ASCC1: variants seen among roughly 807,000 people sequenced by gnomAD.
ASCC1 encodes the protein activating signal cointegrator 1 complex subunit 1, also known as ASC-1 complex subunit P50.
ASCC1 carries 35 observed loss-of-function variants against 46.6 expected under a neutral mutation model. The observed-to-expected ratio is 0.75, with a 90% CI of 0.57 to 0.99. ASCC1 has a LOEUF of 0.99. ASCC1 is among the 50% of genes least tolerant of loss of function. The pLI, the probability that ASCC1 is intolerant of heterozygous loss-of-function variation, is 0.00. For synonymous variants in ASCC1, 143 were observed against 146.6 expected (o/e 0.98, Z 0.18); for missense variants, 376 against 428.7 (o/e 0.88, Z 1.09).
intron 9 of ASCC1, among the ~76,000 whole-genome samples, chr10:72,100,403 TTTCAGTA>T (rs1262595992): frequency 6.6e-6 from 1 of 152,056 alleles, no homozygotes; most frequent in Non-Finnish European, 1.5e-5. Context: ...TTTCTGTATT[TTTCAGTA>T]GAGACGGGGT....
At chr10:72,170,700 C>T (rs1303577665) in intron 5 of ASCC1, among the ~76,000 whole-genome samples, 2 of 151,922 alleles carry the variant, frequency 1.3e-5, no homozygotes, top group Admixed American at 6.5e-5. Context: ...ACACCTAATC[C>T]TAGACTGAAT....
At chr10:72,138,884 C>T (rs1846608465) in intron 7 of ASCC1, among the ~76,000 whole-genome samples, 2 of 151,872 alleles carry the variant, frequency 1.3e-5, no homozygotes, top group East Asian at 2.0e-4. Flanking sequence ...TTTCAATTCA[C>T]TGTGCACTCC....
chr10:72,151,689 T>C (rs991835488), intron 7 of ASCC1, among the ~76,000 whole-genome samples: 26 of 152,128 alleles, frequency 1.7e-4, no homozygotes, highest in African/African-American at 6.0e-4. Flanking sequence ...AATTTAATCT[T>C]TTTAAATTTT....
chr10:72,117,424 C>A (rs1024061552), intron 9 of ASCC1, among the ~76,000 whole-genome samples: 1 of 152,176 alleles, frequency 6.6e-6, no homozygotes, highest in Non-Finnish European at 1.5e-5. Context: ...AAGATCAAGA[C>A]CTTAGGGTCT....
intron 5 of ASCC1, among the ~76,000 whole-genome samples, chr10:72,185,325 C>T (rs990811639): frequency 6.6e-6 from 1 of 152,146 alleles, no homozygotes; most frequent in Non-Finnish European, 1.5e-5. Context: ...GATTTCTGCA[C>T]AAATTTATAA....
In ASCC1 at chr10:72,096,537, T is replaced by G; in HGVS notation, c.*797A>C. On this transcript the variant is annotated 3_prime_UTR_variant, in exon 10 of 10. Coordinates refer to ENST00000672957, the MANE Select transcript of ASCC1 (RefSeq NM_001198800.3). ...CAAGCAAAGTAAAAGGCAAACAACT[T>G]TAATGGTTATTTTGCTAAAGATAAA... 1 of 454,024 alleles carries G rather than the reference T, an allele frequency of 2.2e-6. No individual in the cohort carries two copies. The highest frequency in any genetic ancestry group is 1.6e-5 in the South Asian group (1 of 64,466). The allele number at this position is 454,024 out of a possible 1,614,324, so 28.1% of individuals were successfully genotyped here. A position where few individuals can be genotyped will look rare whatever the true frequency, so the allele number is the denominator to read the frequency against.
At chr10:72,188,210 C>G (rs572847042) in intron 5 of ASCC1, among the ~76,000 whole-genome samples, 1 of 145,134 alleles carries the variant, frequency 6.9e-6, no homozygotes, top group East Asian at 2.1e-4. Flanking sequence ...CCTCTACCTT[C>G]TGGGTTCAAG....
rs12245491 is a variant in ASCC1 at position 72,169,555 on chromosome 10, A to G, written c.490-7881T>C. ...CTTATTTTTACAAAAAAAACACAGG[A>G]CAAATAAACCAGAAAACAATGATAT... On this transcript the variant is annotated intron_variant, in intron 5 of 9. Transcript: ENST00000672957. Among the ~76,000 whole-genome samples the G allele has an allele frequency of 4.1e-3, 628 of 152,316 alleles. 9 individuals carry two copies. Among genetic ancestry groups the G allele is most frequent in the African/African-American group, 0.014 (563 of 41,576 alleles).
rs184167961 is a variant in ASCC1 at position 72,150,114 on chromosome 10, A to G, written c.746+2755T>C. On this transcript the variant is annotated intron_variant, in intron 7 of 9. Transcript: ENST00000672957. Reference sequence around the variant, plus strand: ...ACAGGAGAATTGCTTGAACCTGGGAAGCAGATGTTGCAGTGAGCTGAGATC... The same window carrying G: ...ACAGGAGAATTGCTTGAACCTGGGAGGCAGATGTTGCAGTGAGCTGAGATC... Among the ~76,000 whole-genome samples the G allele has an allele frequency of 8.7e-3, 1,328 of 151,970 alleles. 16 individuals carry two copies. The highest frequency in any genetic ancestry group is 0.03 in the African/African-American group (1,260 of 41,426).
At chr10:72,137,983 G>A (rs915250326) in intron 7 of ASCC1, among the ~76,000 whole-genome samples, 3 of 151,890 alleles carry the variant, frequency 2.0e-5, no homozygotes, top group Admixed American at 2.0e-4. Context: ...TCCTACCTCA[G>A]TCTCCCGAGT....
At chr10:72,115,060 TA>T (rs769646383) in intron 9 of ASCC1, among the ~76,000 whole-genome samples, 1 of 152,206 alleles carries the variant, frequency 6.6e-6, no homozygotes, top group Non-Finnish European at 1.5e-5. Context: ...TAGAGGGCCA[TA>T]AAAAATACAG....
chr10:72,179,487 CTT>C (rs1852288497), intron 5 of ASCC1, among the ~76,000 whole-genome samples: 1 of 152,150 alleles, frequency 6.6e-6, no homozygotes, highest in Non-Finnish European at 1.5e-5. Flanking sequence ...ATTCAAATAA[CTT>C]TTCCTCAGTG....
At position 72,096,124 on chromosome 10, in the gene ASCC1, C is replaced by A; in HGVS notation, c.*1210G>T. On this transcript the variant is annotated 3_prime_UTR_variant, in exon 10 of 10. Coordinates refer to ENST00000672957, the MANE Select transcript of ASCC1 (RefSeq NM_001198800.3). ...GTCCTCACAATGTAGCAACTTAACA[C>A]AGAGTTCAGAAGTGCAGTTAAAGAA... 4.4e-6 allele frequency: 2 copies of A among 454,034 alleles called. No individual in the cohort carries two copies. The highest frequency in any genetic ancestry group is 8.8e-6 in the Non-Finnish European group (2 of 226,788). 28.1% of individuals were successfully genotyped at this position (454,034 alleles called of 1,614,324 possible).
At chr10:72,151,508 T>C (rs910018967) in intron 7 of ASCC1, among the ~76,000 whole-genome samples, 4 of 151,996 alleles carry the variant, frequency 2.6e-5, no homozygotes, top group African/African-American at 7.3e-5. Context: ...GACGAGTTAA[T>C]GGGTGCAGCA....
intron 8 of ASCC1, 95 bp from the exon 9 acceptor site, chr10:72,128,262 T>G (rs1564616608): frequency 9.9e-7 from 1 of 1,013,762 alleles, no homozygotes. Flanking sequence ...AGCAAAATTT[T>G]CATGAACTAC....
intron 7 of ASCC1, among the ~76,000 whole-genome samples, chr10:72,149,267 T>C (rs1033670258): frequency 6.6e-6 from 1 of 151,666 alleles, no homozygotes; most frequent in African/African-American, 2.4e-5. Flanking sequence ...TGAAACCCTG[T>C]CTCTACTAAA....
chr10:72,175,381 C>T (rs1851739922), intron 5 of ASCC1, among the ~76,000 whole-genome samples: 1 of 152,222 alleles, frequency 6.6e-6, no homozygotes. Flanking sequence ...TTTGCTCTCC[C>T]TTTTAAAGCA....
chr10:72,139,734 A>G (rs895507699), intron 7 of ASCC1, among the ~76,000 whole-genome samples: 7 of 152,204 alleles, frequency 4.6e-5, no homozygotes, highest in Non-Finnish European at 8.8e-5. Context: ...GACTGCCTAG[A>G]AAGTGCAAAT....
chr10:72,111,565 G>A (rs759428678), intron 9 of ASCC1, among the ~76,000 whole-genome samples: 18 of 152,016 alleles, frequency 1.2e-4, no homozygotes, highest in African/African-American at 1.7e-4. Context: ...CCATTTTCTC[G>A]CTTTTAATTT....
Sources: allele counts gnomAD v4.1 joint callset (sites outside exome capture counted in the v4.1 genomes callset), GRCh38; gene constraint gnomAD v4.1.1; transcripts MANE v1.5; gene names NCBI Gene and HGNC (gene_info 2026-07-23, HGNC 2026-07-21).